XKR4: variants seen among roughly 807,000 people sequenced by gnomAD.
The protein encoded by XKR4 is XK-related protein 4.
Under a neutral mutation model 53.9 loss-of-function variants are expected in XKR4, and 12 were observed. The ratio of observed to expected loss-of-function variants is 0.22; its 90% CI spans 0.14 to 0.36. The LOEUF (loss-of-function observed/expected upper bound fraction) is 0.36, where lower values mean the gene tolerates loss of function less well. Among genes scored for constraint, XKR4 ranks in the 10% least tolerant of loss-of-function variants. The pLI, the probability that XKR4 is intolerant of heterozygous loss-of-function variation, is 1.00. For synonymous variants in XKR4, 354 were observed against 362.4 expected (o/e 0.98, Z 0.26); for missense variants, 799 against 859.5 (o/e 0.93, Z 0.88).
chr8:55,488,068 A>T (rs990812819), intron 2 of XKR4, among the ~76,000 whole-genome samples: 3 of 152,200 alleles, frequency 2.0e-5, no homozygotes, highest in Non-Finnish European at 4.4e-5. Context: ...ATCATTCTGT[A>T]TTTCAACATA....
intron 1 of XKR4, among the ~76,000 whole-genome samples, chr8:55,157,253 G>A (rs1816920244): frequency 1.3e-5 from 2 of 152,158 alleles, no homozygotes; most frequent in Admixed American, 6.5e-5. Context: ...AGTGGAGGAA[G>A]CTTCAAAGTG....
intron 1 of XKR4, among the ~76,000 whole-genome samples, chr8:55,110,505 C>G (rs974169805): frequency 1.7e-4 from 26 of 152,296 alleles, no homozygotes; most frequent in African/African-American, 6.0e-4. Context: ...TACTTAGTGG[C>G]TTCTCTGAGA....
rs528785522 is a variant in XKR4 at position 55,507,873 on chromosome 8, A to C, written c.1007-15408A>C. Among the ~76,000 whole-genome samples, 7 of 152,284 alleles carry C rather than the reference A, an allele frequency of 4.6e-5. No individual in the cohort carries two copies. In the East Asian group the frequency reaches 1.4e-3, roughly 29 times the overall value. Reference sequence around the variant, plus strand: ...CTTTGGGTATATACCCAGTAATGGGATGACTGAGTCAAATGGTATTTCTAG... The same window carrying C: ...CTTTGGGTATATACCCAGTAATGGGCTGACTGAGTCAAATGGTATTTCTAG... On this transcript the variant is annotated intron_variant, in intron 2 of 2. Coordinates refer to ENST00000327381, the MANE Select transcript of XKR4 (RefSeq NM_052898.2).
chr8:55,210,086 AT>A (rs75698088), intron 1 of XKR4, among the ~76,000 whole-genome samples: 1,770 of 141,816 alleles, frequency 0.012, 26 homozygotes, highest in African/African-American at 0.041. Context: ...CATCCTCTCC[AT>A]TTTTTTTTTT....
At chr8:55,494,238 C>T (rs1404815775) in intron 2 of XKR4, among the ~76,000 whole-genome samples, 1 of 152,234 alleles carries the variant, frequency 6.6e-6, no homozygotes, top group African/African-American at 2.4e-5. Context: ...CAAGCAGCAC[C>T]CACAGCTGGC....
intron 1 of XKR4, among the ~76,000 whole-genome samples, chr8:55,121,539 T>C (rs1044192078): frequency 1.3e-5 from 2 of 151,294 alleles, no homozygotes; most frequent in Non-Finnish European, 2.9e-5. Context: ...TGATGAGAAA[T>C]GGATAAAATA....
intron 1 of XKR4, among the ~76,000 whole-genome samples, chr8:55,199,777 T>C (rs904756109): frequency 7.9e-5 from 12 of 152,264 alleles, no homozygotes; most frequent in African/African-American, 2.9e-4. Flanking sequence ...CACATAATAG[T>C]AGCAGCTAAC....
intron 2 of XKR4, among the ~76,000 whole-genome samples, chr8:55,494,687 G>T (rs1344693095): frequency 2.0e-5 from 3 of 152,148 alleles, no homozygotes; most frequent in Non-Finnish European, 4.4e-5. Context: ...GTTCTCAGCA[G>T]AGAGTGCCGC....
intron 2 of XKR4, among the ~76,000 whole-genome samples, chr8:55,377,421 C>G (rs569316225): frequency 6.6e-6 from 1 of 152,306 alleles, no homozygotes; most frequent in South Asian, 2.1e-4. Flanking sequence ...ATATTTAGCT[C>G]TGATGTGTTA....
Position 55,200,256 on chromosome 8 carries a change from CG to C in XKR4, c.806+96966del, listed in dbSNP as rs536565147. On this transcript the variant is annotated intron_variant, in intron 1 of 2. Coordinates refer to ENST00000327381, the MANE Select transcript of XKR4 (RefSeq NM_052898.2). ...CTAATTTTTGTATTTTTAGTAGAGA[CG>C]GGGTTTCACCATGTTGGCCAGGCTG... is the stretch of plus-strand genomic sequence containing the variant. 9.3e-4 allele frequency among the ~76,000 whole-genome samples: 142 copies of C among 152,152 alleles called. 1 individual carries two copies. Among genetic ancestry groups the C allele is most frequent in the Non-Finnish European group, 1.6e-3 (111 of 67,986 alleles).
chr8:55,423,029 A>C (rs192808897), intron 2 of XKR4, among the ~76,000 whole-genome samples: 56 of 152,348 alleles, frequency 3.7e-4, no homozygotes, highest in Non-Finnish European at 7.6e-4. Flanking sequence ...ATGTACATTA[A>C]TAATATGCAT....
chr8:55,421,543 C>G (rs1474456384), intron 2 of XKR4, among the ~76,000 whole-genome samples: 1 of 152,216 alleles, frequency 6.6e-6, no homozygotes, highest in East Asian at 1.9e-4. Flanking sequence ...CTCTCTCTCT[C>G]TCTGTCTTTC....
At chr8:55,330,325 T>C (rs1460395579) in intron 1 of XKR4, among the ~76,000 whole-genome samples, 1 of 152,118 alleles carries the variant, frequency 6.6e-6, no homozygotes, top group African/African-American at 2.4e-5. Context: ...TAAGACTCAG[T>C]TTCCTCACCT....
At chr8:55,454,040 C>T (rs932281520) in intron 2 of XKR4, 17 of 892,390 alleles carry the variant, frequency 1.9e-5, no homozygotes, top group Non-Finnish European at 2.7e-5. Context: ...CCAGAGATAG[C>T]CCTGCAGCAG....
chr8:55,328,591 A>G (rs142277025), intron 1 of XKR4, among the ~76,000 whole-genome samples: 369 of 152,202 alleles, frequency 2.4e-3, no homozygotes, highest in African/African-American at 8.2e-3. Flanking sequence ...CTGCAATCCA[A>G]TCTCCTCAGA....
At chr8:55,181,238 G>A (rs937081332) in intron 1 of XKR4, among the ~76,000 whole-genome samples, 4 of 152,032 alleles carry the variant, frequency 2.6e-5, no homozygotes, top group African/African-American at 9.7e-5. Context: ...AGAATTAATT[G>A]GTTGGGTCTA....
At chr8:55,347,974 C>T (rs189421867) in intron 1 of XKR4, among the ~76,000 whole-genome samples, 70 of 152,258 alleles carry the variant, frequency 4.6e-4, no homozygotes, top group African/African-American at 1.6e-3. Flanking sequence ...GCAGAATCCT[C>T]AAAAGGAAAA....
At chr8:55,112,581 T>TTTTTA (rs1585884605) in intron 1 of XKR4, among the ~76,000 whole-genome samples, 1 of 141,492 alleles carries the variant, frequency 7.1e-6, no homozygotes, top group East Asian at 2.1e-4. Flanking sequence ...TTTTTTTTTT[T>TTTTTA]TTTTTTTAGG....
intron 1 of XKR4, among the ~76,000 whole-genome samples, chr8:55,229,893 C>G (rs115025134): frequency 0.016 from 2,382 of 145,418 alleles, 68 homozygotes; most frequent in African/African-American, 0.056. Context: ...TTTCTAATTC[C>G]TTCTCCAGAT....
Sources: gnomAD v4.1 joint callset for allele counts (sites outside exome capture counted in the v4.1 genomes callset) on GRCh38, gnomAD v4.1.1 for gene constraint, MANE v1.5 for transcripts, NCBI Gene and HGNC (gene_info 2026-07-23, HGNC 2026-07-21) for gene names.